Variants in PIWIL4 observed in about 807,000 individuals in gnomAD.
PIWIL4 encodes piwi-like protein 4.
PIWIL4 carries 50 observed loss-of-function variants against 100.9 expected under a neutral mutation model. That is an observed-to-expected ratio of 0.50 (90% CI 0.39 to 0.63). The LOEUF (loss-of-function observed/expected upper bound fraction) is 0.63, where lower values mean the gene tolerates loss of function less well. PIWIL4 is among the 20% of genes least tolerant of loss of function. The pLI is 0.00. For synonymous variants in PIWIL4, 342 were observed against 367.5 expected, an observed-to-expected ratio of 0.93 and a Z score of 0.79; for missense variants, 887 against 1,043.3, an observed-to-expected ratio of 0.85 and a Z score of 2.06.
At position 94,608,665 on chromosome 11, in the gene PIWIL4, G is replaced by A; in HGVS notation, c.1922G>A (p.Ser641Asn). 6.2e-7 allele frequency: 1 copy of A among 1,614,090 alleles called. No individual in the cohort carries two copies. Among genetic ancestry groups the A allele is most frequent in the Non-Finnish European group, 8.5e-7 (1 of 1,179,956 alleles). ...KDVMVVGCVA[S>N]VNPRITRWFS... ...GTGATGGTTGTTGGATGCGTGGCCA[G>A]TGTTAACCCCAGAATCACCAGGTAC... Residue 641 changes from serine to asparagine, a missense_variant, in exon 15 of 20, where the codon AGT (serine) becomes AAT (asparagine). Coordinates refer to ENST00000299001, the MANE Select transcript of PIWIL4 (RefSeq NM_152431.3).
intron 13 of PIWIL4, among the ~76,000 whole-genome samples, chr11:94,606,551 C>T (rs952075147): frequency 1.3e-5 from 2 of 152,142 alleles, no homozygotes; most frequent in African/African-American, 2.4e-5. Flanking sequence ...AGGAGTAGGC[C>T]AGGGGCGGTG....
chr11:94,567,505 G>A lies in PIWIL4; in HGVS notation c.-14G>A, dbSNP rs377635979. ...CTTTGCAGCTCTTGTGGCCACTCTG[G>A]GCTCACCGGGAACATGAGTGGAAGA... On this transcript the variant is annotated 5_prime_UTR_variant, in exon 1 of 20. Transcript: ENST00000299001. 3.8e-6 allele frequency: 6 copies of A among 1,568,656 alleles called. No individual in the cohort carries two copies. In the African/African-American group the frequency reaches 8.1e-5, roughly 21 times the overall value.
intron 19 of PIWIL4, 124 bp from the exon 20 acceptor site, chr11:94,620,751 AC>A: frequency 1.5e-6 from 1 of 649,846 alleles, no homozygotes; most frequent in Non-Finnish European, 2.6e-6. Flanking sequence ...GGTTGAGGTT[AC>A]CTGTTGTTTA....
chr11:94,575,218 A>G, intron 3 of PIWIL4, 88 bp downstream of exon 3: 1 of 1,352,176 alleles, frequency 7.4e-7, no homozygotes, highest in Non-Finnish European at 1.0e-6. Flanking sequence ...AAATAAGTTC[A>G]TATGTTTGCT....
chr11:94,585,397 C>A, intron 5 of PIWIL4, 48 bp from the exon 6 acceptor site: 1 of 1,318,016 alleles, frequency 7.6e-7, no homozygotes, highest in Non-Finnish European at 1.1e-6. Flanking sequence ...TAGAATTACA[C>A]TGTTACTGAC....
chr11:94,592,158 C>T (rs1948495320), intron 8 of PIWIL4, among the ~76,000 whole-genome samples: 1 of 152,144 alleles, frequency 6.6e-6, no homozygotes, highest in Admixed American at 6.5e-5. Flanking sequence ...GCCCAGGGAT[C>T]CAGTACTGAG....
At chr11:94,583,042 A>ATGTGTGTG (rs112392209) in intron 4 of PIWIL4, among the ~76,000 whole-genome samples, 3,546 of 140,342 alleles carry the variant, frequency 0.025, 99 homozygotes, top group African/African-American at 0.067. Context: ...GTATATATAT[A>ATGTGTGTG]TATGTGTGTG....
chr11:94,567,412 G>A lies in PIWIL4; in HGVS notation c.-107G>A. 7.8e-6 allele frequency: 8 copies of A among 1,020,164 alleles called. No homozygotes were observed. Among genetic ancestry groups the A allele is most frequent in the Non-Finnish European group, 1.1e-5 (8 of 736,404 alleles). 63.2% of individuals were successfully genotyped at this position (1,020,164 alleles called of 1,614,324 possible). A position where few individuals can be genotyped will look rare whatever the true frequency, so the allele number is the denominator to read the frequency against. ...TGGTTGTGGATGCTGGACATCCACC[G>A]CCTCCAGGCAGTTTCGCCGTCACAC... On this transcript the variant is annotated 5_prime_UTR_variant, in exon 1 of 20. Coordinates refer to ENST00000299001, the MANE Select transcript of PIWIL4 (RefSeq NM_152431.3).
chr11:94,602,964 T>A (rs608972), intron 12 of PIWIL4, among the ~76,000 whole-genome samples: 1 of 152,102 alleles, frequency 6.6e-6, no homozygotes, highest in African/African-American at 2.4e-5. Context: ...CTCTTTCTCA[T>A]GTGAATTCTG....
At chr11:94,573,671 T>C in intron 2 of PIWIL4, among the ~76,000 whole-genome samples, 1 of 152,346 alleles carries the variant, frequency 6.6e-6, no homozygotes, top group South Asian at 2.1e-4. Context: ...CTTTTTGATA[T>C]GCGCACATTG....
At chr11:94,596,286 A>G (rs1948557949) in intron 10 of PIWIL4, among the ~76,000 whole-genome samples, 1 of 150,644 alleles carries the variant, frequency 6.6e-6, no homozygotes, top group African/African-American at 2.4e-5. Flanking sequence ...TTAAAGTAGT[A>G]CTAGCTCATG....
chr11:94,585,582 T>A, intron 6 of PIWIL4, 57 bp downstream of exon 6: 9 of 1,315,352 alleles, frequency 6.8e-6, no homozygotes, highest in African/African-American at 1.5e-5. Flanking sequence ...AGCAACATAA[T>A]TTATGATGCA....
At chr11:94,575,591 C>G (rs1396844350) in intron 3 of PIWIL4, among the ~76,000 whole-genome samples, 1 of 152,158 alleles carries the variant, frequency 6.6e-6, no homozygotes, top group African/African-American at 2.4e-5. Flanking sequence ...TTTGTGGCCA[C>G]CTCACGAAAG....
chr11:94,594,957 G>C (rs1181435899), intron 9 of PIWIL4, among the ~76,000 whole-genome samples: 2 of 152,126 alleles, frequency 1.3e-5, no homozygotes, highest in Non-Finnish European at 2.9e-5. Context: ...ACTGAGAGGA[G>C]GTGTGCTTTA....
chr11:94,599,729 C>T (rs1445013187), intron 11 of PIWIL4, among the ~76,000 whole-genome samples: 1 of 152,194 alleles, frequency 6.6e-6, no homozygotes, highest in Non-Finnish European at 1.5e-5. Context: ...GTCACAAGTG[C>T]CCTGGCTGCC....
At chr11:94,588,107 C>A (rs932138299) in intron 7 of PIWIL4, among the ~76,000 whole-genome samples, 2 of 151,934 alleles carry the variant, frequency 1.3e-5, no homozygotes, top group Admixed American at 6.5e-5. Flanking sequence ...TGCTCTCCCT[C>A]CCCCCGACCC....
chr11:94,585,671 TAATAA>T (rs1017249370), intron 6 of PIWIL4, 146 bp downstream of exon 6: 2 of 567,648 alleles, frequency 3.5e-6, no homozygotes, highest in African/African-American at 3.9e-5. Flanking sequence ...CAAGTTTTTT[TAATAA>T]AATGGTTCAT....
intron 10 of PIWIL4, among the ~76,000 whole-genome samples, chr11:94,597,493 A>T (rs78696264): frequency 6.6e-6 from 1 of 152,232 alleles, no homozygotes; most frequent in African/African-American, 2.4e-5. Flanking sequence ...CAGTAAGGAA[A>T]CCAAGGCCTT....
chr11:94,568,864 G>A, intron 2 of PIWIL4, 56 bp downstream of exon 2: 1 of 1,491,146 alleles, frequency 6.7e-7, no homozygotes, highest in Admixed American at 1.7e-5. Context: ...GGAGCAAGAG[G>A]AGCCCTGCCA....
Sources: allele counts gnomAD v4.1 joint callset (sites outside exome capture counted in the v4.1 genomes callset), GRCh38; gene constraint gnomAD v4.1.1; transcripts MANE v1.5; gene names NCBI Gene and HGNC (gene_info 2026-07-23, HGNC 2026-07-21).